PER3: variants seen among roughly 807,000 people sequenced by gnomAD.
PER3 encodes the protein period circadian regulator 3, also known as period circadian protein homolog 3.
In PER3, 107 loss-of-function variants were observed where a neutral mutation model predicts 127.2. The ratio of observed to expected loss-of-function variants is 0.84; its 90% confidence interval spans 0.72 to 0.99. PER3 has a LOEUF of 0.99. Ranked by LOEUF, PER3 falls within the 50% of genes least tolerant of loss-of-function variation. The probability of loss-of-function intolerance (pLI) is 0.00; values close to 1 mark genes in which losing one functional copy is unlikely to be tolerated. For synonymous variants in PER3, 618 were observed against 585.8 expected (o/e 1.05, Z -0.79); for missense variants, 1,560 against 1,525.8 (o/e 1.02, Z -0.37).
chr1:7,820,424 T>A, intron 15 of PER3, 43 bp from the exon 16 acceptor site: 1 of 1,559,578 alleles, frequency 6.4e-7, no homozygotes, highest in Admixed American at 1.9e-5. Context: ...AATTTCTCGT[T>A]GGGAATTTTT....
chr1:7,844,073 T>C lies in PER3; in HGVS notation c.*1318T>C, dbSNP rs972229844. 5 of 761,724 alleles carry C rather than the reference T, an allele frequency of 6.6e-6. No individual in the cohort carries two copies. The highest frequency in any genetic ancestry group is 5.1e-6 in the Non-Finnish European group (3 of 589,344). 47.2% of individuals were successfully genotyped at this position (761,724 alleles called of 1,614,324 possible). Reference sequence around the variant, plus strand: ...TTTTGTTTTTGGTTTTTTATGGTTTTTTAAGGAAAATACTTTTCTCCTTTG... The same window carrying C: ...TTTTGTTTTTGGTTTTTTATGGTTTCTTAAGGAAAATACTTTTCTCCTTTG... On this transcript the variant is annotated 3_prime_UTR_variant, in exon 22 of 22. Transcript: ENST00000377532.
chr1:7,786,716 C>G lies in PER3; in HGVS notation c.275-5C>G. 1.3e-6 allele frequency: 2 copies of G among 1,494,654 alleles called. No individual in the cohort carries two copies. Among genetic ancestry groups the G allele is most frequent in the Non-Finnish European group, 1.9e-6 (2 of 1,070,982 alleles). The allele number at this position is 1,494,654 out of a possible 1,614,324, so 92.6% of individuals were successfully genotyped here. A position where few individuals can be genotyped will look rare whatever the true frequency, so the allele number is the denominator to read the frequency against. The stretch of plus-strand genomic sequence containing the variant: ...ACTACCTGTTTATCTCCCTGTGTTT[C>G]TTAGCAAACAGTGAGTTTTTCCAGA... On this transcript the variant is annotated splice_polypyrimidine_tract_variant and splice_region_variant and intron_variant, in intron 3 of 21. Coordinates refer to ENST00000377532, the MANE Select transcript of PER3 (RefSeq NM_001377275.1).
At chr1:7,823,588 G>T (rs912057487) in intron 16 of PER3, among the ~76,000 whole-genome samples, 2 of 151,720 alleles carry the variant, frequency 1.3e-5, no homozygotes, top group African/African-American at 2.4e-5. Flanking sequence ...GTTGCAGTGA[G>T]CCAAGATTGC....
chr1:7,814,300 C>T (rs1285099585), intron 13 of PER3, among the ~76,000 whole-genome samples: 1 of 152,078 alleles, frequency 6.6e-6, no homozygotes, highest in Admixed American at 6.6e-5. Flanking sequence ...AACACTTGGG[C>T]ATATCATATT....
Position 7,827,594 on chromosome 1 carries a change from C to G in PER3, c.2665C>G (p.Pro889Ala). Residue 889 changes from proline (P) to alanine (A), a missense_variant, in exon 18 of 22, where the codon CCC (proline) becomes GCC (alanine). Physicochemically the swap from Pro to Ala is conservative, Grantham distance 27 (BLOSUM62 -1). Coordinates refer to ENST00000377532, the MANE Select transcript of PER3 (RefSeq NM_001377275.1). ...GGCGACAGCCTCTTCTGCGATATCA[C>G]CCTCAATGTCGTCAGCAATGAGTCC... Reference protein sequence around the residue: ...LGATASSAISPSMSSAMSPTL... With the variant: ...LGATASSAISASMSSAMSPTL... 1.9e-6 allele frequency: 3 copies of G among 1,614,186 alleles called. No homozygotes were observed. Among genetic ancestry groups the G allele is most frequent in the Non-Finnish European group, 2.5e-6 (3 of 1,180,006 alleles).
At position 7,803,687 on chromosome 1, in the gene PER3, T is replaced by C; in HGVS notation, c.980-5T>C. ...ATCCTATTTTTGTCTTATTATTTTATATAGTTTTGAAGTATGCAGGGCATC... is the reference window on the plus strand; with the variant it reads ...ATCCTATTTTTGTCTTATTATTTTACATAGTTTTGAAGTATGCAGGGCATC... On this transcript the variant is annotated splice_region_variant and splice_polypyrimidine_tract_variant and intron_variant, in intron 9 of 21. Coordinates refer to ENST00000377532, the MANE Select transcript of PER3 (RefSeq NM_001377275.1). 1.3e-6 allele frequency: 2 copies of C among 1,558,960 alleles called. No homozygotes were observed. The highest frequency in any genetic ancestry group is 2.3e-5 in the South Asian group (2 of 87,372).
chr1:7,814,476 T>C (rs1354575169), intron 13 of PER3, among the ~76,000 whole-genome samples: 1 of 152,198 alleles, frequency 6.6e-6, no homozygotes, highest in Non-Finnish European at 1.5e-5. Context: ...CAGAATTCTA[T>C]ACCTAGTGAA....
At chr1:7,794,120 A>G (rs1438721240) in intron 6 of PER3, 112 bp downstream of exon 6, 3 of 884,154 alleles carry the variant, frequency 3.4e-6, no homozygotes, top group Admixed American at 1.8e-5. Context: ...GATACAAAAA[A>G]TAAGACTTGG....
At chr1:7,807,078 A>G (rs2097198221) in intron 10 of PER3, among the ~76,000 whole-genome samples, 1 of 152,036 alleles carries the variant, frequency 6.6e-6, no homozygotes, top group Non-Finnish European at 1.5e-5. Context: ...GGTGCCTGCT[A>G]TGGACCAGAC....
intron 14 of PER3, 138 bp downstream of exon 14, chr1:7,819,558 T>C: frequency 1.4e-6 from 1 of 732,274 alleles, no homozygotes; most frequent in Non-Finnish European, 2.3e-6. Flanking sequence ...ATGGCGTGCC[T>C]AACACATACG....
intron 10 of PER3, among the ~76,000 whole-genome samples, chr1:7,805,765 G>GT (rs2150755432): frequency 6.6e-6 from 1 of 152,308 alleles, no homozygotes; most frequent in African/African-American, 2.4e-5. Flanking sequence ...TTGATGGTCT[G>GT]TGTTCCCCAG....
At chr1:7,787,982 C>T in intron 4 of PER3, 63 bp from the exon 5 acceptor site, 2 of 1,221,976 alleles carry the variant, frequency 1.6e-6, no homozygotes, top group Non-Finnish European at 2.4e-6. Flanking sequence ...AGAAATTTAC[C>T]TTTCAGGGAA....
intron 2 of PER3, 97 bp downstream of exon 2, chr1:7,785,102 A>G: frequency 1.5e-6 from 2 of 1,351,512 alleles, no homozygotes; most frequent in Non-Finnish European, 2.0e-6. Context: ...TTTTGTTTTC[A>G]AGCCCAGGGG....
chr1:7,790,540 A>G (rs139491745), intron 5 of PER3, among the ~76,000 whole-genome samples: 1,817 of 152,302 alleles, frequency 0.012, 25 homozygotes, highest in African/African-American at 0.04. Flanking sequence ...CAGCCAAACC[A>G]TATCATTCTG....
At chr1:7,839,759 C>T (rs143485014) in intron 21 of PER3, among the ~76,000 whole-genome samples, 3 of 152,294 alleles carry the variant, frequency 2.0e-5, no homozygotes, top group East Asian at 1.9e-4. Context: ...ATAATCTTAT[C>T]GAGAATCTCC....
intron 5 of PER3, chr1:7,788,496 C>T (rs1348294876): frequency 8.4e-6 from 4 of 476,660 alleles, no homozygotes; most frequent in African/African-American, 1.9e-5. Flanking sequence ...TCATTACCAG[C>T]GTATTGTATA....
In PER3 at chr1:7,827,183, C is replaced by T. The variant is rs1241791342; in HGVS notation, c.2254C>T (p.Leu752=). 1 of 1,612,846 alleles carries T rather than the reference C, an allele frequency of 6.2e-7. No individual in the cohort carries two copies. The part of the protein sequence containing the change: ...CRKGKHKRKK[L]PEPPDSSSSN... Reference sequence around the variant, plus strand: ...GAAAGGGAAGCACAAGCGGAAGAAGCTGCCGGAGCCGCCAGACAGCAGCAG... The same window carrying T: ...GAAAGGGAAGCACAAGCGGAAGAAGTTGCCGGAGCCGCCAGACAGCAGCAG... Residue 752 remains leucine (L), a synonymous_variant, in exon 18 of 22, where the codon CTG becomes TTG. Transcript: ENST00000377532.
At chr1:7,830,788 G>A (rs762957345) in intron 19 of PER3, among the ~76,000 whole-genome samples, 22 of 152,166 alleles carry the variant, frequency 1.4e-4, no homozygotes, top group African/African-American at 2.2e-4. Context: ...GACCATACAC[G>A]TGTGGGTGTA....
In PER3 at chr1:7,827,438, T is replaced by C; in HGVS notation, c.2509T>C (p.Leu837=). Reference sequence around the variant, plus strand: ...ACCGGAAGGCCTGCATGGGCTGCCCTTGTCCGAGGGCTTGCAGCCTTACCC... The same window carrying C: ...ACCGGAAGGCCTGCATGGGCTGCCCCTGTCCGAGGGCTTGCAGCCTTACCC... ...TAPEGLHGLP[L]SEGLQPYPAF... Residue 837 remains leucine (L), a synonymous_variant, in exon 18 of 22, where the codon TTG becomes CTG. Coordinates refer to ENST00000377532, the MANE Select transcript of PER3 (RefSeq NM_001377275.1). The C allele has an allele frequency of 1.2e-6, 2 of 1,614,204 alleles. No individual in the cohort carries two copies. Among genetic ancestry groups the C allele is most frequent in the African/African-American group, 1.3e-5 (1 of 75,072 alleles).
Sources: allele counts gnomAD v4.1 joint callset (sites outside exome capture counted in the v4.1 genomes callset), GRCh38; gene constraint gnomAD v4.1.1; transcripts MANE v1.5; gene names NCBI Gene and HGNC (gene_info 2026-07-23, HGNC 2026-07-21).